Variants in LRRC63 observed in about 807,000 individuals in gnomAD.
The protein encoded by LRRC63 is leucine-rich repeat-containing protein 63.
Under a neutral mutation model 49.5 loss-of-function variants are expected in LRRC63, and 40 were observed. The ratio of observed to expected loss-of-function variants is 0.81; its 90% CI spans 0.63 to 1.05. The LOEUF is 1.05. Ranked by LOEUF, LRRC63 falls within the 50% of genes least tolerant of loss-of-function variation. The pLI, the probability that LRRC63 is intolerant of heterozygous loss-of-function variation, is 0.00. For synonymous variants in LRRC63, 191 were observed against 221.1 expected, an observed-to-expected ratio of 0.86 and a Z score of 1.21; for missense variants, 636 against 663.1, an observed-to-expected ratio of 0.96 and a Z score of 0.45.
At chr13:46,250,999 G>A (rs1391345380) in intron 7 of LRRC63, among the ~76,000 whole-genome samples, 1 of 151,836 alleles carries the variant, frequency 6.6e-6, no homozygotes, top group Non-Finnish European at 1.5e-5. Flanking sequence ...GGACATAAAA[G>A]AGATGGGTTT....
At chr13:46,273,712 G>A (rs1248296042) in intron 9 of LRRC63, among the ~76,000 whole-genome samples, 1 of 151,398 alleles carries the variant, frequency 6.6e-6, no homozygotes, top group Non-Finnish European at 1.5e-5. Context: ...AGGAGTTCAA[G>A]AACAGCCTGG....
chr13:46,244,733 G>A (rs1478717223), intron 5 of LRRC63, among the ~76,000 whole-genome samples: 1 of 152,134 alleles, frequency 6.6e-6, no homozygotes, highest in Admixed American at 6.6e-5. Context: ...TTGTGCCACT[G>A]GACTCCAGGC....
chr13:46,270,453 A>C, intron 9 of LRRC63: 2 of 786,564 alleles, frequency 2.5e-6, no homozygotes, highest in Non-Finnish European at 4.7e-6. Context: ...AATGAAAAAC[A>C]TTCTCCATAA....
At chr13:46,242,142 G>T (rs1200436470) in intron 5 of LRRC63, among the ~76,000 whole-genome samples, 2 of 152,150 alleles carry the variant, frequency 1.3e-5, no homozygotes, top group Non-Finnish European at 2.9e-5. Context: ...CCATTAAAAA[G>T]AACATGAGCA....
chr13:46,262,724 TTTC>T (rs1566510869), intron 8 of LRRC63, among the ~76,000 whole-genome samples: 1 of 152,182 alleles, frequency 6.6e-6, no homozygotes. Context: ...TTAATAACCT[TTTC>T]TAAGTGTTTT....
intron 4 of LRRC63, among the ~76,000 whole-genome samples, chr13:46,228,947 G>A (rs1015692374): frequency 6.6e-6 from 1 of 152,082 alleles, no homozygotes; most frequent in African/African-American, 2.4e-5. Flanking sequence ...GAATATAAAA[G>A]CTGATGCACT....
chr13:46,246,615 T>C, exon 6 of LRRC63: 2 of 1,430,038 alleles, frequency 1.4e-6, no homozygotes, highest in Non-Finnish European at 1.8e-6. Flanking sequence ...CTTCATTACT[T>C]TCCCACAGAA....
chr13:46,238,892 T>C (rs1202764461), intron 5 of LRRC63, among the ~76,000 whole-genome samples: 1 of 152,230 alleles, frequency 6.6e-6, no homozygotes, highest in Non-Finnish European at 1.5e-5. Context: ...GAATGACTCT[T>C]GGGTAAATCT....
exon 3 of LRRC63, chr13:46,227,806 A>C (rs2046620759): frequency 6.5e-7 from 1 of 1,550,178 alleles, no homozygotes; most frequent in Non-Finnish European, 8.7e-7. Context: ...CAAACAAACA[A>C]AATGGAAAGT....
chr13:46,230,712 T>G lies in LRRC63; in HGVS notation c.832+1979T>G, dbSNP rs374958706. Among the ~76,000 whole-genome samples the G allele has an allele frequency of 1.6e-4, 24 of 152,356 alleles. No homozygotes were observed. The East Asian group carries it at 4.6e-3, about 29-fold the overall frequency. The stretch of plus-strand genomic sequence containing the variant: ...TCTAGCAAGTGGTTACTCTATAGCC[T>G]GCTGGAATCCCTCTCCCAAAGCTTT... On this transcript the variant is annotated intron_variant, in intron 4 of 9. Coordinates refer to ENST00000595396, the Ensembl canonical transcript of LRRC63.
At chr13:46,275,921 A>T (rs1343387625) in intron 9 of LRRC63, among the ~76,000 whole-genome samples, 1 of 152,144 alleles carries the variant, frequency 6.6e-6, no homozygotes, top group South Asian at 2.1e-4. Flanking sequence ...CAGTGGTTTT[A>T]TAGTTTGTTT....
chr13:46,226,147 C>T (rs185662654), intron 2 of LRRC63, among the ~76,000 whole-genome samples: 7 of 151,662 alleles, frequency 4.6e-5, no homozygotes, highest in South Asian at 2.1e-4. Flanking sequence ...CCACACTTGG[C>T]TAATTATTTT....
At position 46,250,503 on chromosome 13, in the gene LRRC63, G is replaced by A. The variant is rs2047348968; in HGVS notation, c.1226+12G>A. 2 of 1,484,110 alleles carry A rather than the reference G, an allele frequency of 1.3e-6. No homozygotes were observed. Among genetic ancestry groups the A allele is most frequent in the Non-Finnish European group, 9.0e-7 (1 of 1,108,654 alleles). 91.9% of individuals were successfully genotyped at this position (1,484,110 alleles called of 1,614,324 possible). A position where few individuals can be genotyped will look rare whatever the true frequency, so the allele number is the denominator to read the frequency against. ...GTTCTTCCAATTGGGTAAGGTTGATGGTCTGAGATTATAAACACAGAAAAT... is the reference window on the plus strand; with the variant it reads ...GTTCTTCCAATTGGGTAAGGTTGATAGTCTGAGATTATAAACACAGAAAAT... On this transcript the variant is annotated intron_variant, in intron 7 of 9. Coordinates refer to ENST00000595396, the Ensembl canonical transcript of LRRC63.
At chr13:46,225,288 T>C (rs1278417646) in intron 2 of LRRC63, among the ~76,000 whole-genome samples, 1 of 152,196 alleles carries the variant, frequency 6.6e-6, no homozygotes, top group Non-Finnish European at 1.5e-5. Flanking sequence ...AGAACCTTGC[T>C]TTCACTCCAG....
intron 2 of LRRC63, 40 bp downstream of exon 2, chr13:46,213,159 A>G (rs1191541797): frequency 4.6e-6 from 6 of 1,311,924 alleles, no homozygotes; most frequent in Non-Finnish European, 5.3e-6. Context: ...ACATTTATGT[A>G]TCTTTCATAG....
In LRRC63 at chr13:46,244,849, A is replaced by G. The variant is rs577330575; in HGVS notation, c.991-1678A>G. ...AACAAGTACCAAAATGGTAAACTTT[A>G]GCCTAAACACATTAGTAATTTTGTT... On this transcript the variant is annotated intron_variant, in intron 5 of 9. Coordinates refer to ENST00000595396, the Ensembl canonical transcript of LRRC63. Among the ~76,000 whole-genome samples, 25 of 152,358 alleles carry G rather than the reference A, an allele frequency of 1.6e-4. No individual in the cohort carries two copies. In the South Asian group the frequency reaches 5.2e-3, roughly 32 times the overall value.
At chr13:46,221,972 A>G (rs2046418533) in intron 2 of LRRC63, among the ~76,000 whole-genome samples, 1 of 152,186 alleles carries the variant, frequency 6.6e-6, no homozygotes, top group Non-Finnish European at 1.5e-5. Flanking sequence ...GCTGATGAGA[A>G]CACACACCTT....
intron 6 of LRRC63, among the ~76,000 whole-genome samples, chr13:46,248,319 G>C (rs988837535): frequency 2.0e-5 from 3 of 151,858 alleles, no homozygotes; most frequent in Non-Finnish European, 4.4e-5. Flanking sequence ...CCAATCAAAA[G>C]ATACAGATAG....
chr13:46,218,568 G>T (rs1382471039), intron 2 of LRRC63, among the ~76,000 whole-genome samples: 3 of 152,114 alleles, frequency 2.0e-5, no homozygotes, highest in Admixed American at 2.0e-4. Flanking sequence ...TTCCCAGTCT[G>T]TCTGTTTTAA....
Sources: allele counts gnomAD v4.1 joint callset (sites outside exome capture counted in the v4.1 genomes callset), GRCh38; gene constraint gnomAD v4.1.1; transcripts MANE v1.5; gene names NCBI Gene and HGNC (gene_info 2026-07-23, HGNC 2026-07-21).